NR1H3: variants seen among roughly 807,000 people sequenced by gnomAD.
NR1H3 encodes oxysterols receptor LXR-alpha.
A neutral mutation model predicts 48.1 loss-of-function variants in NR1H3; 19 were observed. The ratio of observed to expected loss-of-function variants is 0.40; its 90% CI spans 0.28 to 0.58. NR1H3 has a LOEUF of 0.58. Among genes scored for constraint, NR1H3 ranks in the 20% least tolerant of loss-of-function variants. The pLI, the probability that NR1H3 is intolerant of heterozygous loss-of-function variation, is 0.50. For missense variants in NR1H3, 486 were observed against 595.9 expected (o/e 0.82, Z 1.92); for synonymous variants, 232 against 227.3 (o/e 1.02, Z -0.19).
chr11:47,256,006 T>C (rs1329768316), upstream of NR1H3, among the ~76,000 whole-genome samples: 2 of 151,742 alleles, frequency 1.3e-5, no homozygotes, highest in Non-Finnish European at 2.9e-5. Flanking sequence ...CCTTGTGTGG[T>C]AAAAATTACT....
upstream of NR1H3, among the ~76,000 whole-genome samples, chr11:47,255,617 CTTTCTTTCTT>C (rs1468967162): frequency 7.9e-3 from 609 of 76,758 alleles, 5 homozygotes; most frequent in African/African-American, 0.016. Flanking sequence ...CTCTCTCTCT[CTTTCTTTCTT>C]TCTTTCTTTC....
At chr11:47,256,192 C>T (rs1041148884), upstream of NR1H3, among the ~76,000 whole-genome samples, 1 of 151,142 alleles carries the variant, frequency 6.6e-6, no homozygotes. Flanking sequence ...AGACCCGCAT[C>T]ACTATGCCTG....
In NR1H3 at chr11:47,261,731, C is replaced by T. The variant is rs770523095; in HGVS notation, c.888+5C>T. 34 of 1,613,866 alleles carry T rather than the reference C, an allele frequency of 2.1e-5. No individual in the cohort carries two copies. Among genetic ancestry groups the T allele is most frequent in the Middle Eastern group, 1.6e-4 (1 of 6,084 alleles). Reference sequence around the variant, plus strand: ...CTGAAGACCTCTGCGATCGAGGTGGCTGGAGAAGGGCAAGGGATGAAGGGA... The same window carrying T: ...CTGAAGACCTCTGCGATCGAGGTGGTTGGAGAAGGGCAAGGGATGAAGGGA... On this transcript the variant is annotated splice_donor_5th_base_variant and intron_variant, in intron 6 of 9. Transcript: ENST00000441012.
At chr11:47,256,415 G>A (rs1955180711), upstream of NR1H3, among the ~76,000 whole-genome samples, 2 of 152,198 alleles carry the variant, frequency 1.3e-5, no homozygotes, top group South Asian at 4.1e-4. Context: ...ATTCAGAGAC[G>A]TTAAGTAACT....
At chr11:47,253,005 C>T (rs1307308654), upstream of NR1H3, among the ~76,000 whole-genome samples, 1 of 141,510 alleles carries the variant, frequency 7.1e-6, no homozygotes, top group Non-Finnish European at 1.5e-5. Flanking sequence ...GTCACCCAGG[C>T]TGGAGTGCAG....
chr11:47,251,195 A>G (rs12575157), intron 1 of NR1H3, among the ~76,000 whole-genome samples: 16,695 of 152,064 alleles, frequency 0.11, 1,067 homozygotes, highest in South Asian at 0.23. Flanking sequence ...TTTCAGTTAA[A>G]TAGTCTATAA....
At chr11:47,264,006 A>T (rs1214795586) in intron 7 of NR1H3, among the ~76,000 whole-genome samples, 2 of 152,206 alleles carry the variant, frequency 1.3e-5, no homozygotes, top group African/African-American at 4.8e-5. Context: ...TTCCATCTCC[A>T]TCCTATATCT....
upstream of NR1H3, among the ~76,000 whole-genome samples, chr11:47,257,021 C>T (rs893695632): frequency 8.5e-5 from 13 of 152,088 alleles, no homozygotes; most frequent in African/African-American, 2.7e-4. Context: ...TGAGCCACCG[C>T]GCCCGGCCGA....
At chr11:47,259,123 G>C in intron 1 of NR1H3, 57 bp from the exon 2 acceptor site, 1 of 1,605,438 alleles carries the variant, frequency 6.2e-7, no homozygotes. Flanking sequence ...GGAGAAGGGA[G>C]CTGAGGCCAG....
At chr11:47,256,654 T>TTA (rs537389171), upstream of NR1H3, among the ~76,000 whole-genome samples, 2 of 92,136 alleles carry the variant, frequency 2.2e-5, no homozygotes, top group East Asian at 2.4e-4. Context: ...CCAAAAAAGG[T>TTA]AAAAAAAAAA....
chr11:47,262,522 C>A (rs936379772), intron 7 of NR1H3, among the ~76,000 whole-genome samples: 1 of 147,884 alleles, frequency 6.8e-6, no homozygotes, highest in East Asian at 2.0e-4. Flanking sequence ...TTTTTTGTTT[C>A]ATTTTTTTTT....
chr11:47,251,097 T>C (rs2135561329), intron 1 of NR1H3, among the ~76,000 whole-genome samples: 1 of 151,996 alleles, frequency 6.6e-6, no homozygotes, highest in East Asian at 2.0e-4. Flanking sequence ...AGGCGGAGCT[T>C]GCAGTGAGCG....
upstream of NR1H3, chr11:47,248,914 T>C (rs764714203): frequency 6.8e-5 from 105 of 1,538,744 alleles, no homozygotes; most frequent in Non-Finnish European, 8.8e-5. Context: ...CTTAGGGACC[T>C]GCTGGGGTGC....
chr11:47,255,587 T>TCTCTC (rs1955048032), upstream of NR1H3, among the ~76,000 whole-genome samples: 1 of 71,820 alleles, frequency 1.4e-5, no homozygotes, highest in African/African-American at 7.3e-5. Context: ...CTTTCTTTCT[T>TCTCTC]TCTTTCTTTC....
At chr11:47,253,876 C>T (rs534139496), upstream of NR1H3, among the ~76,000 whole-genome samples, 1 of 152,242 alleles carries the variant, frequency 6.6e-6, no homozygotes, top group East Asian at 1.9e-4. Context: ...GCTGGTGGGA[C>T]TGTGGCACGG....
At position 47,261,970 on chromosome 11, in the gene NR1H3, A is replaced by G. The variant is rs1955922899; in HGVS notation, c.940A>G (p.Thr314Ala). 6.2e-7 allele frequency: 1 copy of G among 1,614,002 alleles called. No homozygotes were observed. The highest frequency in any genetic ancestry group is 1.3e-5 in the African/African-American group (1 of 74,898). The change falls in exon 7 of 10, where the codon ACC becomes GCC. Residue 314 changes from threonine to alanine, a missense_variant. By Grantham distance (58) the Thr-to-Ala change is moderately conservative. Transcript: ENST00000441012. ...RRYNPGSESI[T>A]FLKDFSYNRE... ...GTACAACCCTGGGAGTGAGAGTATC[A>G]CCTTCCTCAAGGATTTCAGTTATAA...
chr11:47,248,681 T>A, upstream of NR1H3: 1 of 1,610,686 alleles, frequency 6.2e-7, no homozygotes, highest in African/African-American at 1.3e-5. Context: ...ATTACCAAGG[T>A]AACGAAGCGC....
At chr11:47,260,165 CT>C (rs1263788630) in intron 3 of NR1H3, among the ~76,000 whole-genome samples, 186 bp downstream of exon 3, 2 of 152,142 alleles carry the variant, frequency 1.3e-5, no homozygotes, top group African/African-American at 4.8e-5. Flanking sequence ...CCTCACTTTC[CT>C]TGTTTATAAA....
chr11:47,255,790 C>T (rs1203273775), upstream of NR1H3, among the ~76,000 whole-genome samples: 3 of 151,728 alleles, frequency 2.0e-5, no homozygotes, highest in Non-Finnish European at 4.4e-5. Flanking sequence ...GCCTCAGCCT[C>T]CTGAGTAGCT....
Sources: allele counts gnomAD v4.1 joint callset (sites outside exome capture counted in the v4.1 genomes callset), GRCh38; gene constraint gnomAD v4.1.1; transcripts MANE v1.5; gene names NCBI Gene and HGNC (gene_info 2026-07-23, HGNC 2026-07-21).